AKAP10: variants seen among roughly 807,000 people sequenced by gnomAD.
AKAP10 encodes the protein A-kinase anchoring protein 10.
Under a neutral mutation model 80.8 loss-of-function variants are expected in AKAP10, and 24 were observed. That is an observed-to-expected ratio of 0.30 (90% CI 0.22 to 0.42). The LOEUF (loss-of-function observed/expected upper bound fraction) is 0.42, where lower values mean the gene tolerates loss of function less well. Ranked by LOEUF, AKAP10 falls within the 10% of genes least tolerant of loss-of-function variation. The pLI is 1.00. For missense variants in AKAP10, 661 were observed against 794.9 expected (o/e 0.83, Z 2.03); for synonymous variants, 291 against 277.7 (o/e 1.05, Z -0.48).
chr17:19,931,622 C>G (rs571063281), intron 10 of AKAP10, among the ~76,000 whole-genome samples, 183 bp downstream of exon 10: 457 of 152,136 alleles, frequency 3.0e-3, no homozygotes, highest in African/African-American at 0.01. Flanking sequence ...AATTCCTGAC[C>G]TCGTGTGATC....
At chr17:19,965,688 C>T (rs2043407874) in intron 2 of AKAP10, among the ~76,000 whole-genome samples, 1 of 152,154 alleles carries the variant, frequency 6.6e-6, no homozygotes, top group African/African-American at 2.4e-5. Flanking sequence ...GAAGTCTTCC[C>T]TAAACTTCAG....
chr17:19,976,796 C>A lies in AKAP10; in HGVS notation c.88+796G>T, dbSNP rs148057860. On this transcript the variant is annotated intron_variant, in intron 1 of 14. Transcript: ENST00000225737. ...CCTCCCAAAGTGCTGGGATTACAGG[C>A]GTGAGCCACCGCGCCCGGCCTCTGT... is the stretch of plus-strand genomic sequence containing the variant. 2.6e-3 allele frequency among the ~76,000 whole-genome samples: 402 copies of A among 152,266 alleles called. 1 individual carries two copies. Among genetic ancestry groups the A allele is most frequent in the African/African-American group, 9.1e-3 (380 of 41,560 alleles).
chr17:19,973,299 T>C (rs763426016), intron 1 of AKAP10, among the ~76,000 whole-genome samples: 5 of 152,202 alleles, frequency 3.3e-5, no homozygotes, highest in Non-Finnish European at 5.9e-5. Context: ...AGTTTTATCG[T>C]AGCACAGCCA....
chr17:19,954,052 CT>C (rs2043245128), intron 4 of AKAP10, among the ~76,000 whole-genome samples: 1 of 152,060 alleles, frequency 6.6e-6, no homozygotes, highest in Non-Finnish European at 1.5e-5. Context: ...AAACAAAACC[CT>C]AGGCCCAGAT....
At position 19,958,096 on chromosome 17, in the gene AKAP10, T is replaced by C. The variant is rs140895030; in HGVS notation, c.795A>G (p.Gln265=). The change falls in exon 4 of 15, where the codon CAA becomes CAG. Residue 265 remains glutamine (Q), a synonymous_variant. Coordinates refer to ENST00000225737, the MANE Select transcript of AKAP10 (RefSeq NM_007202.4). ...CTACTGTAAGTGTAGAGGAAGATTC[T>C]TGGGTTTCCATGGAAACTTGGTGAG... is the stretch of plus-strand genomic sequence containing the variant. ...AGTHQVSMET[Q]ESSSTLTVAS... 1.2e-5 allele frequency: 20 copies of C among 1,614,226 alleles called. No individual in the cohort carries two copies. The African/African-American group carries it at 2.4e-4, about 19-fold the overall frequency.
At chr17:19,930,807 T>C (rs1221448642) in intron 10 of AKAP10, among the ~76,000 whole-genome samples, 3 of 152,086 alleles carry the variant, frequency 2.0e-5, no homozygotes, top group African/African-American at 4.8e-5. Context: ...GACTCCCTGG[T>C]TGAAGCCATT....
At chr17:19,946,251 A>T (rs1209587000) in intron 5 of AKAP10, among the ~76,000 whole-genome samples, 1 of 19,358 alleles carries the variant, frequency 5.2e-5, no homozygotes, top group South Asian at 1.5e-3. Context: ...ATATATATAT[A>T]TATATATATA....
chr17:19,955,113 T>C (rs2043259107), intron 4 of AKAP10, among the ~76,000 whole-genome samples: 1 of 151,404 alleles, frequency 6.6e-6, no homozygotes, highest in Non-Finnish European at 1.5e-5. Flanking sequence ...TCCCAGCTAC[T>C]AGGGAGGCTA....
At chr17:19,909,626 A>C (rs911418066) in intron 13 of AKAP10, among the ~76,000 whole-genome samples, 1 of 136,132 alleles carries the variant, frequency 7.3e-6, no homozygotes, top group Non-Finnish European at 1.6e-5. Flanking sequence ...TGGGGAAGGA[A>C]ACATTTGAGC....
At chr17:19,957,259 A>G (rs1361567465) in intron 4 of AKAP10, among the ~76,000 whole-genome samples, 2 of 151,692 alleles carry the variant, frequency 1.3e-5, no homozygotes, top group East Asian at 3.9e-4. Context: ...TAAGATAATC[A>G]GTCCGGGCGC....
rs1377090928 is a variant in AKAP10 at position 19,916,636 on chromosome 17, T to TC, written c.1834+3399_1834+3400insG. On this transcript the variant is annotated intron_variant, in intron 12 of 14. Coordinates refer to ENST00000225737, the MANE Select transcript of AKAP10 (RefSeq NM_007202.4). ...GAGCTGTCAGAGGTATGAGACCAGA[T>TC]TAAAAAAAAAAAAAAATCAGGCCAG... Among the ~76,000 whole-genome samples, 150 of 149,688 alleles carry TC rather than the reference T, an allele frequency of 1.0e-3. 4 individuals carry two copies. In the South Asian group the frequency reaches 0.029, roughly 29 times the overall value.
intron 3 of AKAP10, among the ~76,000 whole-genome samples, chr17:19,959,415 T>G (rs1171840302): frequency 6.6e-6 from 1 of 152,182 alleles, no homozygotes; most frequent in Non-Finnish European, 1.5e-5. Context: ...CAGGAACAGA[T>G]AGCAAAGTCT....
At chr17:19,912,016 A>G (rs771536372) in intron 12 of AKAP10, among the ~76,000 whole-genome samples, 4 of 152,186 alleles carry the variant, frequency 2.6e-5, no homozygotes, top group Non-Finnish European at 4.4e-5. Context: ...TGCTCATAAC[A>G]TCATTTTACA....
intron 1 of AKAP10, 123 bp downstream of exon 1, chr17:19,977,469 G>T: frequency 1.4e-6 from 1 of 716,570 alleles, no homozygotes; most frequent in Non-Finnish European, 1.9e-6. Flanking sequence ...GGGGGCATCT[G>T]CGCCGAGGTC....
At chr17:19,970,436 C>T (rs2043480495) in intron 1 of AKAP10, among the ~76,000 whole-genome samples, 1 of 152,206 alleles carries the variant, frequency 6.6e-6, no homozygotes, top group African/African-American at 2.4e-5. Context: ...TGCTTTATTT[C>T]CTTCTGTCCC....
At chr17:19,946,222 T>TTTA (rs1555576593) in intron 5 of AKAP10, among the ~76,000 whole-genome samples, 2,874 of 33,724 alleles carry the variant, frequency 0.085, 339 homozygotes, top group East Asian at 0.15. Context: ...TATATATATT[T>TTTA]TATATATATA....
At chr17:19,913,274 C>G (rs2042710847) in intron 12 of AKAP10, among the ~76,000 whole-genome samples, 1 of 151,858 alleles carries the variant, frequency 6.6e-6, no homozygotes, top group Non-Finnish European at 1.5e-5. Flanking sequence ...CTGCCTCAGC[C>G]TCCCGATAGC....
At position 19,974,775 on chromosome 17, in the gene AKAP10, A is replaced by T. The variant is rs151036591; in HGVS notation, c.88+2817T>A. On this transcript the variant is annotated intron_variant, in intron 1 of 14. Coordinates refer to ENST00000225737, the MANE Select transcript of AKAP10 (RefSeq NM_007202.4). ...TGGGATCATAGCTTACTGCAGCCTCAAACTCCTGGGCTCAAGTGATCTTTC... is the reference window on the plus strand; with the variant it reads ...TGGGATCATAGCTTACTGCAGCCTCTAACTCCTGGGCTCAAGTGATCTTTC... Among the ~76,000 whole-genome samples, 3 of 151,660 alleles carry T rather than the reference A, an allele frequency of 2.0e-5. No homozygotes were observed. In the East Asian group the frequency reaches 5.8e-4, roughly 29 times the overall value.
At chr17:19,969,107 G>A (rs2043461681) in intron 1 of AKAP10, among the ~76,000 whole-genome samples, 1 of 152,190 alleles carries the variant, frequency 6.6e-6, no homozygotes, top group Non-Finnish European at 1.5e-5. Flanking sequence ...ACTTTGGGAT[G>A]CCAAGGCGGG....
Sources: gnomAD v4.1 joint callset for allele counts (sites outside exome capture counted in the v4.1 genomes callset) on GRCh38, gnomAD v4.1.1 for gene constraint, MANE v1.5 for transcripts, NCBI Gene and HGNC (gene_info 2026-07-23, HGNC 2026-07-21) for gene names.